PTPN3: variants seen among roughly 807,000 people sequenced by gnomAD.
PTPN3 encodes protein tyrosine phosphatase non-receptor type 3.
A neutral mutation model predicts 132.7 loss-of-function variants in PTPN3; 96 were observed. The observed-to-expected ratio is 0.72, with a 90% CI of 0.61 to 0.86. The LOEUF is 0.86. PTPN3 is among the 40% of genes least tolerant of loss of function. The pLI is 0.00. For missense variants in PTPN3, 1,125 were observed against 1,159.6 expected (o/e 0.97, Z 0.43); for synonymous variants, 398 against 429.0 (o/e 0.93, Z 0.89).
intron 24 of PTPN3, 62 bp from the exon 25 acceptor site, chr9:109,381,849 C>G (rs1210677414): frequency 1.3e-6 from 2 of 1,594,848 alleles, no homozygotes; most frequent in East Asian, 2.2e-5. Flanking sequence ...CATGGCCCAG[C>G]GAGCAGTTCC....
rs114511541 is a variant in PTPN3, at chr9:109,385,355, T to C, written c.2254-1804A>G. On this transcript the variant is annotated intron_variant, in intron 22 of 25. Coordinates refer to ENST00000374541, the MANE Select transcript of PTPN3 (RefSeq NM_002829.4). ...ACTTCTTTGGGTCTCAGTCTCCACA[T>C]TAATGCTGCTGCAGCGAGGGGCGAT... is the stretch of plus-strand genomic sequence containing the variant. Among the ~76,000 whole-genome samples, 1,141 of 152,342 alleles carry C rather than the reference T, an allele frequency of 7.5e-3. 12 individuals are homozygous for C. Among genetic ancestry groups the C allele is most frequent in the African/African-American group, 0.025 (1,027 of 41,580 alleles).
intron 1 of PTPN3, among the ~76,000 whole-genome samples, chr9:109,480,705 G>T (rs903344456): frequency 6.6e-6 from 1 of 152,116 alleles, no homozygotes; most frequent in East Asian, 1.9e-4. Context: ...GTGAATTTTT[G>T]TATATGGTAT....
Position 109,454,481 on chromosome 9 carries a change from A to C in PTPN3, c.368+15T>G. 2 of 1,605,100 alleles carry C rather than the reference A, an allele frequency of 1.2e-6. No homozygotes were observed. The highest frequency in any genetic ancestry group is 2.7e-5 in the African/African-American group (2 of 74,764). On this transcript the variant is annotated intron_variant, in intron 5 of 25. Coordinates refer to ENST00000374541, the MANE Select transcript of PTPN3 (RefSeq NM_002829.4). ...TTTATACACTAAACAGAAAACTTTA[A>C]AAAAATGTTGTTACCTGGTTTGTTC...
intron 19 of PTPN3, among the ~76,000 whole-genome samples, chr9:109,396,620 GTATAGT>G (rs1840618938): frequency 6.6e-6 from 1 of 152,156 alleles, no homozygotes; most frequent in Admixed American, 6.5e-5. Flanking sequence ...TTCTATCAGA[GTATAGT>G]TATAAGAAGC....
At chr9:109,457,512 C>A (rs1468214598) in intron 2 of PTPN3, 113 bp from the exon 3 acceptor site, 2 of 756,336 alleles carry the variant, frequency 2.6e-6, no homozygotes, top group African/African-American at 3.6e-5. Context: ...TGCACACACA[C>A]TTCCCACCAC....
intron 25 of PTPN3, among the ~76,000 whole-genome samples, chr9:109,380,996 G>A (rs1383260845): frequency 6.6e-6 from 1 of 152,098 alleles, no homozygotes; most frequent in East Asian, 1.9e-4. Flanking sequence ...ATACAAGCCT[G>A]TCTCTGCACC....
At chr9:109,408,620 C>T (rs1042768623) in intron 16 of PTPN3, among the ~76,000 whole-genome samples, 6 of 151,638 alleles carry the variant, frequency 4.0e-5, no homozygotes, top group African/African-American at 1.2e-4. Context: ...CAGAAGCCTC[C>T]CTCTGCCATC....
chr9:109,423,519 C>A (rs1257405031), intron 12 of PTPN3, among the ~76,000 whole-genome samples: 2 of 152,114 alleles, frequency 1.3e-5, no homozygotes, highest in South Asian at 4.1e-4. Flanking sequence ...GGCATGAGAA[C>A]CCCCTGAATC....
intron 7 of PTPN3, among the ~76,000 whole-genome samples, chr9:109,441,510 T>C (rs1242495463): frequency 6.6e-6 from 1 of 152,164 alleles, no homozygotes; most frequent in East Asian, 1.9e-4. Flanking sequence ...CCACTGCTAG[T>C]ATCATCCACA....
chr9:109,510,348 C>T, the PTPN3 span, among the ~76,000 whole-genome samples: 3 of 151,588 alleles, frequency 2.0e-5, no homozygotes, highest in Admixed American at 6.6e-5. Flanking sequence ...CACCTGAGGT[C>T]GGGAATTCGA....
the PTPN3 span, among the ~76,000 whole-genome samples, chr9:109,522,805 G>T: frequency 2.6e-5 from 4 of 152,146 alleles, no homozygotes; most frequent in Non-Finnish European, 5.9e-5. Context: ...AAAAGGGAAT[G>T]GTTGAGCAAA....
intron 1 of PTPN3, among the ~76,000 whole-genome samples, chr9:109,483,949 G>C (rs1250429417): frequency 6.6e-6 from 1 of 152,204 alleles, no homozygotes; most frequent in Non-Finnish European, 1.5e-5. Context: ...TAGAAATGCA[G>C]TCTCAGGCCT....
At chr9:109,524,999 G>A in the PTPN3 span, among the ~76,000 whole-genome samples, 1 of 152,124 alleles carries the variant, frequency 6.6e-6, no homozygotes, top group East Asian at 1.9e-4. Flanking sequence ...GCCCACCTTG[G>A]CCTCCCAAAG....
At chr9:109,533,544 C>T in the PTPN3 span, 266 of 1,600,604 alleles carry the variant, frequency 1.7e-4, 5 homozygotes, top group South Asian at 2.8e-3. Context: ...TTTTCTTTAT[C>T]CTCTTCATTG....
At chr9:109,440,343 A>G (rs1379154578) in intron 7 of PTPN3, among the ~76,000 whole-genome samples, 1 of 152,244 alleles carries the variant, frequency 6.6e-6, no homozygotes, top group East Asian at 1.9e-4. Context: ...GTGCGTTCAC[A>G]GGAAATCATT....
chr9:109,461,116 A>C (rs2132041355), intron 2 of PTPN3, among the ~76,000 whole-genome samples: 1 of 152,360 alleles, frequency 6.6e-6, no homozygotes, highest in East Asian at 1.9e-4. Context: ...AAATTCTATG[A>C]AAGATTATGT....
At chr9:109,456,285 C>A (rs1017005370) in intron 4 of PTPN3, among the ~76,000 whole-genome samples, 3 of 152,220 alleles carry the variant, frequency 2.0e-5, no homozygotes, top group Non-Finnish European at 4.4e-5. Context: ...AGAAATATAA[C>A]AAGGGTCCTA....
chr9:109,423,612 C>T (rs1843034074), intron 12 of PTPN3, among the ~76,000 whole-genome samples: 1 of 152,044 alleles, frequency 6.6e-6, no homozygotes, highest in African/African-American at 2.4e-5. Context: ...TCTCCAAAAA[C>T]AAAAAATTAT....
At chr9:109,409,539 A>G (rs537660684) in intron 16 of PTPN3, among the ~76,000 whole-genome samples, 2 of 152,232 alleles carry the variant, frequency 1.3e-5, no homozygotes, top group African/African-American at 4.8e-5. Flanking sequence ...AAACCTCTCA[A>G]TTCTAGGCTG....
Sources: allele counts gnomAD v4.1 joint callset (sites outside exome capture counted in the v4.1 genomes callset), GRCh38; gene constraint gnomAD v4.1.1; transcripts MANE v1.5; gene names NCBI Gene and HGNC (gene_info 2026-07-23, HGNC 2026-07-21).